SYN3: variants seen among roughly 807,000 people sequenced by gnomAD.
SYN3 encodes the protein synapsin-3.
In SYN3, 35 loss-of-function variants were observed where a neutral mutation model predicts 65.8. That is an observed-to-expected ratio of 0.53 (90% CI 0.41 to 0.70). The LOEUF is 0.70. Among genes scored for constraint, SYN3 ranks in the 30% least tolerant of loss-of-function variants. The pLI is 0.00. For synonymous variants in SYN3, 270 were observed against 292.9 expected (o/e 0.92, Z 0.80); for missense variants, 680 against 749.0 (o/e 0.91, Z 1.08).
intron 3 of SYN3, among the ~76,000 whole-genome samples, chr22:32,939,044 T>C (rs1372431108): frequency 6.6e-6 from 1 of 151,974 alleles, no homozygotes; most frequent in Non-Finnish European, 1.5e-5. Context: ...AGGACAATGA[T>C]ACCAGATGGA....
In SYN3 at chr22:32,512,934, T is replaced by C. The variant is rs2146038874; in HGVS notation, c.*758A>G. On this transcript the variant is annotated 3_prime_UTR_variant, in exon 14 of 14. Transcript: ENST00000358763. Reference sequence around the variant, plus strand: ...AAGTCCAGGGCCTCTTTCTCCTTTGTAAACTAGTCTTTATTCCTACAATAA... The same window carrying C: ...AAGTCCAGGGCCTCTTTCTCCTTTGCAAACTAGTCTTTATTCCTACAATAA... The C allele has an allele frequency of 6.6e-6, 1 of 152,356 alleles. No homozygotes were observed. The highest frequency in any genetic ancestry group is 2.1e-4 in the South Asian group (1 of 4,826). 9.4% of individuals were successfully genotyped at this position (152,356 alleles called of 1,614,324 possible).
chr22:32,941,583 G>A (rs942938475), intron 3 of SYN3, among the ~76,000 whole-genome samples: 1 of 150,686 alleles, frequency 6.6e-6, no homozygotes, highest in African/African-American at 2.4e-5. Flanking sequence ...TCTCACTGGG[G>A]TGTGTCGGAC....
intron 3 of SYN3, among the ~76,000 whole-genome samples, chr22:32,976,394 C>G (rs960788014): frequency 6.6e-6 from 1 of 152,156 alleles, no homozygotes; most frequent in Admixed American, 6.6e-5. Flanking sequence ...GAAAGACTGG[C>G]CGTGGTGATT....
chr22:32,664,811 C>T (rs370797911), intron 6 of SYN3, among the ~76,000 whole-genome samples: 2,814 of 150,904 alleles, frequency 0.019, 81 homozygotes, highest in African/African-American at 0.057. Context: ...AGGATGGTCT[C>T]GATCTCCTAA....
chr22:32,512,765 A>T lies in SYN3; in HGVS notation c.*927T>A, dbSNP rs1171943404. 6.6e-6 allele frequency: 1 copy of T among 152,228 alleles called. No homozygotes were observed. Among genetic ancestry groups the T allele is most frequent in the Non-Finnish European group, 1.5e-5 (1 of 68,046 alleles). The allele number at this position is 152,228 out of a possible 1,614,324, so 9.4% of individuals were successfully genotyped here. On this transcript the variant is annotated 3_prime_UTR_variant, in exon 14 of 14. Coordinates refer to ENST00000358763, the MANE Select transcript of SYN3 (RefSeq NM_003490.4). The stretch of plus-strand genomic sequence containing the variant: ...AGAAGTGACTATCATTGCACTTCGG[A>T]TCCTATGTCATTGATCTGTTGATTC...
At chr22:32,696,485 TC>T (rs1410837153) in intron 6 of SYN3, among the ~76,000 whole-genome samples, 1 of 152,234 alleles carries the variant, frequency 6.6e-6, no homozygotes, top group African/African-American at 2.4e-5. Flanking sequence ...ATATTTTCAT[TC>T]TTTTTGTTGC....
At chr22:32,833,642 G>A (rs985828160) in intron 6 of SYN3, among the ~76,000 whole-genome samples, 8 of 152,188 alleles carry the variant, frequency 5.3e-5, no homozygotes, top group African/African-American at 1.7e-4. Context: ...AAGGCAGGTA[G>A]GACCCAGAGA....
chr22:32,681,944 G>A (rs940636619), intron 6 of SYN3, among the ~76,000 whole-genome samples: 3 of 152,302 alleles, frequency 2.0e-5, no homozygotes, highest in South Asian at 4.2e-4. Flanking sequence ...CAGCTGTCAC[G>A]AAGCCACATT....
intron 1 of SYN3, among the ~76,000 whole-genome samples, chr22:33,050,355 C>G (rs915378576): frequency 6.6e-6 from 1 of 151,788 alleles, no homozygotes; most frequent in Admixed American, 6.6e-5. Flanking sequence ...TGGTGGTGCA[C>G]GTCAGTAGTC....
At chr22:32,908,246 T>C (rs1396842176) in intron 4 of SYN3, among the ~76,000 whole-genome samples, 1 of 152,030 alleles carries the variant, frequency 6.6e-6, no homozygotes, top group Non-Finnish European at 1.5e-5. Flanking sequence ...CTACCACGCC[T>C]GGCTAATTTT....
At chr22:32,513,892 G>A (rs991163380) in intron 13 of SYN3, 68 bp from the exon 14 acceptor site, 2 of 1,594,120 alleles carry the variant, frequency 1.3e-6, no homozygotes, top group Non-Finnish European at 1.7e-6. Context: ...GGTCTTGGGG[G>A]CTTGCCTGTA....
intron 4 of SYN3, among the ~76,000 whole-genome samples, chr22:32,902,975 A>T (rs2049803693): frequency 6.6e-6 from 1 of 152,142 alleles, no homozygotes; most frequent in Admixed American, 6.5e-5. Flanking sequence ...CTAAAATGTG[A>T]CAGTGCCAGA....
chr22:32,847,951 C>T (rs991520474), intron 6 of SYN3, among the ~76,000 whole-genome samples: 21 of 152,226 alleles, frequency 1.4e-4, no homozygotes, highest in African/African-American at 4.1e-4. Context: ...CTAATGGCAG[C>T]CCCCCTGCCT....
At chr22:32,693,652 C>G (rs938100117) in intron 6 of SYN3, among the ~76,000 whole-genome samples, 1 of 125,118 alleles carries the variant, frequency 8.0e-6, no homozygotes, top group Non-Finnish European at 1.5e-5. Flanking sequence ...AGTGCAGTGG[C>G]GCAATCTTGG....
chr22:32,706,203 T>G (rs1300651821), intron 6 of SYN3, among the ~76,000 whole-genome samples: 1 of 152,330 alleles, frequency 6.6e-6, no homozygotes, highest in East Asian at 1.9e-4. Context: ...GGATTTGTCA[T>G]AGATGGCTCT....
intron 3 of SYN3, among the ~76,000 whole-genome samples, chr22:32,936,723 T>G (rs2146727300): frequency 6.6e-6 from 1 of 152,316 alleles, no homozygotes; most frequent in South Asian, 2.1e-4. Flanking sequence ...ATAGTGGGAC[T>G]GAATTATCCC....
At chr22:32,814,902 A>G (rs991867250) in intron 6 of SYN3, among the ~76,000 whole-genome samples, 2 of 152,232 alleles carry the variant, frequency 1.3e-5, no homozygotes, top group Non-Finnish European at 2.9e-5. Context: ...AAACGAGGAA[A>G]AAGTGAAATT....
In SYN3 at chr22:32,511,535, C is replaced by A. The variant is rs2057691355; in HGVS notation, c.*2157G>T. On this transcript the variant is annotated 3_prime_UTR_variant, in exon 14 of 14. Coordinates refer to ENST00000358763, the MANE Select transcript of SYN3 (RefSeq NM_003490.4). ...ATGTGTTACTGGGCAGAGTGAGCTC[C>A]AGACATGCCAGACATGCAGGGACTG... 6.6e-6 allele frequency among the ~76,000 whole-genome samples: 1 copy of A among 152,190 alleles called. No homozygotes were observed. The highest frequency in any genetic ancestry group is 6.5e-5 in the Admixed American group (1 of 15,290).
intron 1 of SYN3, among the ~76,000 whole-genome samples, chr22:33,016,171 T>G (rs2053463757): frequency 6.6e-6 from 1 of 152,194 alleles, no homozygotes; most frequent in Non-Finnish European, 1.5e-5. Flanking sequence ...ACACACTTGT[T>G]TCTCTTAACT....
Sources: allele counts gnomAD v4.1 joint callset (sites outside exome capture counted in the v4.1 genomes callset), GRCh38; gene constraint gnomAD v4.1.1; transcripts MANE v1.5; gene names NCBI Gene and HGNC (gene_info 2026-07-23, HGNC 2026-07-21).